RFFL: variants seen among roughly 807,000 people sequenced by gnomAD.
RFFL encodes the protein E3 ubiquitin-protein ligase rififylin.
Under a neutral mutation model 40.4 loss-of-function variants are expected in RFFL, and 16 were observed. That is an observed-to-expected ratio of 0.40 (90% CI 0.27 to 0.60). The LOEUF is 0.60. Ranked by LOEUF, RFFL falls within the 20% of genes least tolerant of loss-of-function variation. The probability of loss-of-function intolerance (pLI) is 0.47; values close to 1 mark genes in which losing one functional copy is unlikely to be tolerated. For missense variants in RFFL, 367 were observed against 451.7 expected (o/e 0.81, Z 1.70); for synonymous variants, 154 against 167.9 (o/e 0.92, Z 0.64).
Position 35,036,645 on chromosome 17 carries a change from TAA to T in RFFL, c.-8-10086_-8-10085del, listed in dbSNP as rs1182464415. The T allele has an allele frequency of 2.0e-5, 3 of 152,338 alleles. No individual in the cohort carries two copies. In the East Asian group the frequency reaches 5.8e-4, roughly 29 times the overall value. The allele number at this position is 152,338 out of a possible 1,614,324, so 9.4% of individuals were successfully genotyped here. A position where few individuals can be genotyped will look rare whatever the true frequency, so the allele number is the denominator to read the frequency against. ...AGCATGTAGGATTTTGTCAGCTTGA[TAA>T]GTATGCTAGTATTTCTTGGGAGAGT... On this transcript the variant is annotated intron_variant, in intron 1 of 6. Coordinates refer to ENST00000394597, the MANE Select transcript of RFFL (RefSeq NM_001017368.2).
chr17:35,045,886 TG>T lies in RFFL; in HGVS notation c.-9+17689del, dbSNP rs531943965. Among the ~76,000 whole-genome samples, 43 of 151,468 alleles carry T rather than the reference TG, an allele frequency of 2.8e-4. No homozygotes were observed. In the South Asian group the frequency reaches 9.0e-3, roughly 32 times the overall value. On this transcript the variant is annotated intron_variant, in intron 1 of 6. Transcript: ENST00000394597. Reference sequence around the variant, plus strand: ...TACAAATAAAAAAATTAGCTGGGCGTGGTGGTGTATATGCCCATAGTCCCAG... The same window carrying T: ...TACAAATAAAAAAATTAGCTGGGCGTGTGGTGTATATGCCCATAGTCCCAG...
intron 1 of RFFL, among the ~76,000 whole-genome samples, chr17:35,057,305 T>C (rs2091267090): frequency 6.6e-6 from 1 of 152,130 alleles, no homozygotes; most frequent in African/African-American, 2.4e-5. Flanking sequence ...TTTTCCACTT[T>C]ACCTCATGCA....
At chr17:35,042,838 A>G (rs1276888930) in intron 1 of RFFL, among the ~76,000 whole-genome samples, 1 of 151,524 alleles carries the variant, frequency 6.6e-6, no homozygotes, top group South Asian at 2.1e-4. Flanking sequence ...AAAAAAAAAA[A>G]AAAAAAGAAA....
At chr17:35,038,665 T>C (rs1393835497) in intron 1 of RFFL, among the ~76,000 whole-genome samples, 1 of 152,178 alleles carries the variant, frequency 6.6e-6, no homozygotes, top group East Asian at 1.9e-4. Flanking sequence ...AATGAATACA[T>C]GGGAAATGAT....
At chr17:35,085,111 C>T (rs1190217489) in intron 1 of RFFL, among the ~76,000 whole-genome samples, 1 of 152,140 alleles carries the variant, frequency 6.6e-6, no homozygotes, top group Non-Finnish European at 1.5e-5. Flanking sequence ...AAGAATATCT[C>T]GGTCAGTGAC....
intron 1 of RFFL, chr17:35,069,300 T>C (rs1158763747): frequency 6.6e-6 from 3 of 456,734 alleles, no homozygotes; most frequent in Non-Finnish European, 1.3e-5. Flanking sequence ...TTACCTTTGT[T>C]CATGTCCCCA....
chr17:35,031,351 C>A (rs1014947931), intron 1 of RFFL, among the ~76,000 whole-genome samples: 20 of 152,180 alleles, frequency 1.3e-4, no homozygotes, highest in Admixed American at 7.2e-4. Context: ...AGGTGATCCG[C>A]CTGCCACGGC....
At chr17:35,060,579 T>TA (rs1452892251) in intron 1 of RFFL, among the ~76,000 whole-genome samples, 9 of 152,166 alleles carry the variant, frequency 5.9e-5, no homozygotes, top group African/African-American at 1.9e-4. Flanking sequence ...AATAATTTTG[T>TA]AAAACACCAT....
At chr17:35,049,728 C>G (rs762925041) in intron 1 of RFFL, among the ~76,000 whole-genome samples, 2 of 152,214 alleles carry the variant, frequency 1.3e-5, no homozygotes, top group Non-Finnish European at 2.9e-5. Context: ...AACCACCACA[C>G]TCAGAAAACA....
intron 1 of RFFL, among the ~76,000 whole-genome samples, chr17:35,071,536 T>C (rs936712269): frequency 2.6e-4 from 40 of 151,872 alleles, no homozygotes; most frequent in African/African-American, 9.7e-4. Context: ...GAGACTTGCT[T>C]GAACCCAGGA....
chr17:35,050,226 A>G (rs2091224259), intron 1 of RFFL, among the ~76,000 whole-genome samples: 1 of 152,050 alleles, frequency 6.6e-6, no homozygotes, highest in African/African-American at 2.4e-5. Context: ...AGCCTGGGTG[A>G]GAGGGAGACC....
chr17:35,031,959 A>C (rs1226086771), intron 1 of RFFL, among the ~76,000 whole-genome samples: 1 of 151,780 alleles, frequency 6.6e-6, no homozygotes. Context: ...GCCAGGCGTG[A>C]TGGTGGACGC....
chr17:35,080,478 G>A (rs979303300), intron 1 of RFFL, among the ~76,000 whole-genome samples: 3 of 152,156 alleles, frequency 2.0e-5, no homozygotes, highest in African/African-American at 7.2e-5. Flanking sequence ...ACCAAGACTG[G>A]AAAGATTTTC....
At position 35,021,593 on chromosome 17, in the gene RFFL, G is replaced by A; in HGVS notation, c.369C>T (p.Cys123=). The change falls in exon 3 of 7, where the codon TGC becomes TGT. Residue 123 remains cysteine, a synonymous_variant. Transcript: ENST00000394597. The part of the protein sequence containing the change: ...LSLHDISTEM[C]REKEELVLLV... Reference sequence around the variant, plus strand: ...AGAGCACCAGCTCTTCTTTCTCCCGGCACATTTCGGTAGAGATGTCATGGA... The same window carrying A: ...AGAGCACCAGCTCTTCTTTCTCCCGACACATTTCGGTAGAGATGTCATGGA... The A allele has an allele frequency of 1.2e-6, 2 of 1,614,172 alleles. No individual in the cohort carries two copies. Among genetic ancestry groups the A allele is most frequent in the East Asian group, 2.2e-5 (1 of 44,886 alleles).
chr17:35,014,650 A>C, intron 6 of RFFL, 90 bp downstream of exon 6: 2 of 1,264,874 alleles, frequency 1.6e-6, no homozygotes, highest in Non-Finnish European at 2.3e-6. Flanking sequence ...TCAAATGCTC[A>C]GAATTCTTAG....
intron 1 of RFFL, among the ~76,000 whole-genome samples, chr17:35,031,765 A>G (rs1341243022): frequency 6.6e-6 from 1 of 151,644 alleles, no homozygotes; most frequent in Non-Finnish European, 1.5e-5. Flanking sequence ...GGAATTTTCA[A>G]CAGAAAACAA....
intron 1 of RFFL, among the ~76,000 whole-genome samples, chr17:35,026,766 C>T (rs748879538): frequency 9.9e-5 from 15 of 152,134 alleles, no homozygotes; most frequent in South Asian, 2.1e-4. Flanking sequence ...AATGCAGTGG[C>T]GTGATCTCAG....
At chr17:35,024,229 C>G (rs1026390563) in intron 2 of RFFL, among the ~76,000 whole-genome samples, 1 of 152,154 alleles carries the variant, frequency 6.6e-6, no homozygotes, top group Non-Finnish European at 1.5e-5. Flanking sequence ...TGCTCCTACT[C>G]CCTCCCACCC....
Position 35,055,680 on chromosome 17 carries a change from ACAAACAAAC to A in RFFL, c.-9+7887_-9+7895del, listed in dbSNP as rs1482354159. On this transcript the variant is annotated intron_variant, in intron 1 of 6. Transcript: ENST00000394597. ...GAGCAAAACTCCATCTCAAAAAAAA[ACAAACAAAC>A]AAACAAACAAAAAAAAAACATTAAT... 4.5e-4 allele frequency among the ~76,000 whole-genome samples: 66 copies of A among 146,234 alleles called. 2 individuals are homozygous for A. Among genetic ancestry groups the A allele is most frequent in the African/African-American group, 1.7e-3 (64 of 38,180 alleles).
Sources: gnomAD v4.1 joint callset for allele counts (sites outside exome capture counted in the v4.1 genomes callset) on GRCh38, gnomAD v4.1.1 for gene constraint, MANE v1.5 for transcripts, NCBI Gene and HGNC (gene_info 2026-07-23, HGNC 2026-07-21) for gene names.